ADK: variants seen among roughly 807,000 people sequenced by gnomAD.
ADK encodes N6,N6-dimethyladenosine kinase.
Under a neutral mutation model 44.7 loss-of-function variants are expected in ADK, and 24 were observed. The ratio of observed to expected loss-of-function variants is 0.54; its 90% CI spans 0.39 to 0.76. ADK has a LOEUF of 0.76. Ranked by LOEUF, ADK falls within the 30% of genes least tolerant of loss-of-function variation. The pLI, the probability that ADK is intolerant of heterozygous loss-of-function variation, is 0.00. For missense variants in ADK, 321 were observed against 425.1 expected, an observed-to-expected ratio of 0.76 and a Z score of 2.15; for synonymous variants, 128 against 142.6, an observed-to-expected ratio of 0.90 and a Z score of 0.73.
At chr10:74,342,535 C>G (rs377541617) in intron 4 of ADK, among the ~76,000 whole-genome samples, 1 of 152,168 alleles carries the variant, frequency 6.6e-6, no homozygotes, top group East Asian at 1.9e-4. Context: ...TGCAGTGGCA[C>G]AAACATGGCT....
intron 9 of ADK, among the ~76,000 whole-genome samples, chr10:74,663,248 A>ATATATAT (rs375366309): frequency 2.1e-5 from 3 of 140,864 alleles, no homozygotes; most frequent in African/African-American, 5.3e-5. Flanking sequence ...AAAAAAAAAT[A>ATATATAT]ATATATATAT....
chr10:74,683,442 T>C (rs1336507237), intron 10 of ADK, among the ~76,000 whole-genome samples: 1 of 152,184 alleles, frequency 6.6e-6, no homozygotes, highest in Non-Finnish European at 1.5e-5. Context: ...AGGGTGAACA[T>C]TGCATTGAAA....
At chr10:74,435,139 GT>G (rs1218989286) in intron 6 of ADK, among the ~76,000 whole-genome samples, 2 of 152,130 alleles carry the variant, frequency 1.3e-5, no homozygotes, top group Non-Finnish European at 2.9e-5. Flanking sequence ...AGAGATTTGA[GT>G]TTGTATATTG....
In ADK at chr10:74,487,524, G is replaced by T. The variant is rs575708386; in HGVS notation, c.556-37732G>T. 2.2e-3 allele frequency among the ~76,000 whole-genome samples: 328 copies of T among 149,260 alleles called. 1 individual carries two copies. Among genetic ancestry groups the T allele is most frequent in the African/African-American group, 7.6e-3 (303 of 40,058 alleles). ...GGTAGAATTTGCCAGTTTATTTTTT[G>T]GCTATTTTTTTTTTAACCCATCTTA... On this transcript the variant is annotated intron_variant, in intron 6 of 10. Coordinates refer to ENST00000539909, the MANE Select transcript of ADK (RefSeq NM_006721.4).
At chr10:74,686,205 C>T (rs575049301) in intron 10 of ADK, among the ~76,000 whole-genome samples, 2 of 152,192 alleles carry the variant, frequency 1.3e-5, no homozygotes, top group African/African-American at 4.8e-5. Context: ...TCCTGATCTG[C>T]CCGCCTAGGC....
chr10:74,695,468 A>G (rs1433100420), intron 10 of ADK, among the ~76,000 whole-genome samples: 1 of 139,612 alleles, frequency 7.2e-6, no homozygotes, highest in Non-Finnish European at 1.5e-5. Flanking sequence ...TCTTGTATAT[A>G]TATATGTGTG....
At chr10:74,319,271 C>T (rs374112789) in intron 4 of ADK, among the ~76,000 whole-genome samples, 67 of 152,174 alleles carry the variant, frequency 4.4e-4, no homozygotes, top group African/African-American at 1.5e-3. Flanking sequence ...ATTTCAGAGA[C>T]TAGGTGGCTT....
chr10:74,492,607 T>C (rs1358460530), intron 6 of ADK, among the ~76,000 whole-genome samples: 2 of 152,208 alleles, frequency 1.3e-5, no homozygotes, highest in Admixed American at 6.5e-5. Context: ...ATTTTCATGA[T>C]TGGGCAATGA....
intron 3 of ADK, among the ~76,000 whole-genome samples, chr10:74,239,262 A>G (rs1845098897): frequency 6.6e-6 from 1 of 152,082 alleles, no homozygotes; most frequent in Non-Finnish European, 1.5e-5. Context: ...GTTATGGAGT[A>G]GTATAAATTG....
chr10:74,242,508 C>T (rs536988843), intron 3 of ADK, among the ~76,000 whole-genome samples: 1 of 116,374 alleles, frequency 8.6e-6, no homozygotes, highest in Non-Finnish European at 1.7e-5. Flanking sequence ...AAATATGCAA[C>T]CTTTTTGTTT....
intron 6 of ADK, among the ~76,000 whole-genome samples, chr10:74,428,015 G>A (rs1181258645): frequency 2.0e-5 from 3 of 152,130 alleles, no homozygotes; most frequent in Non-Finnish European, 4.4e-5. Context: ...AGCTTCTGGT[G>A]GTTGTGCATA....
chr10:74,582,149 C>T (rs751656981), intron 7 of ADK, among the ~76,000 whole-genome samples: 1 of 151,918 alleles, frequency 6.6e-6, no homozygotes, highest in Non-Finnish European at 1.5e-5. Flanking sequence ...ATGGCAAAAC[C>T]CTGTCTCTAC....
intron 3 of ADK, 114 bp from the exon 4 acceptor site, chr10:74,314,553 A>G: frequency 1.4e-6 from 1 of 700,110 alleles, no homozygotes; most frequent in Non-Finnish European, 2.6e-6. Context: ...CAACATACTT[A>G]AACAATAAAA....
At chr10:74,213,901 C>T (rs1003970633) in intron 2 of ADK, among the ~76,000 whole-genome samples, 1 of 151,992 alleles carries the variant, frequency 6.6e-6, no homozygotes, top group Non-Finnish European at 1.5e-5. Context: ...TCAATATCTT[C>T]CAATTCCAAA....
intron 9 of ADK, among the ~76,000 whole-genome samples, chr10:74,602,819 A>G (rs1221372985): frequency 6.6e-6 from 1 of 152,240 alleles, no homozygotes; most frequent in Admixed American, 6.5e-5. Flanking sequence ...GCACAAGTGT[A>G]GCTGAATCTC....
chr10:74,297,488 T>C (rs935561744), intron 3 of ADK, among the ~76,000 whole-genome samples: 1 of 152,212 alleles, frequency 6.6e-6, no homozygotes, highest in African/African-American at 2.4e-5. Context: ...GTTCACATTA[T>C]CTTTGGTGAG....
intron 6 of ADK, among the ~76,000 whole-genome samples, chr10:74,497,771 C>G (rs73272260): frequency 0.03 from 4,525 of 152,208 alleles, 196 homozygotes; most frequent in African/African-American, 0.091. Context: ...TTTGAGTAGC[C>G]ACTGCACGTC....
chr10:74,160,948 G>T (rs983025973), intron 1 of ADK, among the ~76,000 whole-genome samples: 4 of 151,918 alleles, frequency 2.6e-5, no homozygotes, highest in African/African-American at 7.3e-5. Context: ...CAAAAAACCC[G>T]ACAACCTCAG....
intron 3 of ADK, among the ~76,000 whole-genome samples, chr10:74,295,673 C>G (rs189948870): frequency 6.6e-6 from 1 of 150,546 alleles, no homozygotes; most frequent in Non-Finnish European, 1.5e-5. Flanking sequence ...GGTTTTACTT[C>G]TATTGGTTTT....
Sources: gnomAD v4.1 joint callset for allele counts (sites outside exome capture counted in the v4.1 genomes callset) on GRCh38, gnomAD v4.1.1 for gene constraint, MANE v1.5 for transcripts, NCBI Gene and HGNC (gene_info 2026-07-23, HGNC 2026-07-21) for gene names.